Variants in EPHA6 observed in about 807,000 individuals in gnomAD.
EPHA6 encodes ephrin type-A receptor 6.
A neutral mutation model predicts 112.0 loss-of-function variants in EPHA6; 50 were observed. That is an observed-to-expected ratio of 0.45 (90% CI 0.36 to 0.56). The LOEUF (loss-of-function observed/expected upper bound fraction) is 0.56, where lower values mean the gene tolerates loss of function less well. EPHA6 is among the 20% of genes least tolerant of loss of function. The pLI is 0.00. For missense variants in EPHA6, 1,280 were observed against 1,417.4 expected, an observed-to-expected ratio of 0.90 and a Z score of 1.56; for synonymous variants, 529 against 490.7, an observed-to-expected ratio of 1.08 and a Z score of -1.03.
chr3:97,041,275 CATTT>C (rs1405105715), intron 3 of EPHA6, among the ~76,000 whole-genome samples: 1 of 151,908 alleles, frequency 6.6e-6, no homozygotes, highest in East Asian at 1.9e-4. Context: ...GCCACTTGAC[CATTT>C]ATTTATCCCT....
rs10612575 is a variant in EPHA6 at position 96,954,773 on chromosome 3, C to CTTTTTTTTTTTTTTT, written c.451-32540_451-32526dup. On this transcript the variant is annotated intron_variant, in intron 2 of 17. Transcript: ENST00000389672. ...TAGTCTTAAATTTTTACTGGTGTGCCTTTTTTTTTTTTTTTTTTTTTTTTT... is the reference window on the plus strand; with the variant it reads ...TAGTCTTAAATTTTTACTGGTGTGCCTTTTTTTTTTTTTTTTTTTTTTTTTTTTTTTTTTTTTTTT... 9.6e-5 allele frequency among the ~76,000 whole-genome samples: 7 copies of CTTTTTTTTTTTTTTT among 72,684 alleles called. 1 individual carries two copies. Among genetic ancestry groups the CTTTTTTTTTTTTTTT allele is most frequent in the African/African-American group, 3.9e-4 (7 of 18,166 alleles). 47.7% of individuals were successfully genotyped at this position (72,684 alleles called of 152,430 possible).
intron 11 of EPHA6, among the ~76,000 whole-genome samples, chr3:97,572,430 G>A (rs544171358): frequency 2.3e-4 from 35 of 152,212 alleles, no homozygotes; most frequent in African/African-American, 6.5e-4. Context: ...GATTACAGGC[G>A]TGAGACACCG....
intron 14 of EPHA6, among the ~76,000 whole-genome samples, chr3:97,716,851 C>T (rs916826950): frequency 2.6e-5 from 4 of 152,136 alleles, no homozygotes; most frequent in Non-Finnish European, 5.9e-5. Flanking sequence ...CTATTTCCTA[C>T]ATTAAACTTA....
At chr3:96,902,409 C>T (rs1287559520) in intron 2 of EPHA6, among the ~76,000 whole-genome samples, 1 of 152,124 alleles carries the variant, frequency 6.6e-6, no homozygotes, top group East Asian at 1.9e-4. Context: ...CTACTATTAC[C>T]TCTTTGGCTG....
At chr3:97,376,993 A>G (rs2085403174) in intron 5 of EPHA6, among the ~76,000 whole-genome samples, 1 of 152,206 alleles carries the variant, frequency 6.6e-6, no homozygotes. Flanking sequence ...AAATTAAACC[A>G]CAACTCACAT....
intron 10 of EPHA6, among the ~76,000 whole-genome samples, chr3:97,516,413 T>A (rs1377179369): frequency 6.6e-6 from 1 of 152,206 alleles, no homozygotes; most frequent in Non-Finnish European, 1.5e-5. Flanking sequence ...ATTCAGCTGA[T>A]GTTTGAAACT....
intron 1 of EPHA6, among the ~76,000 whole-genome samples, chr3:96,816,126 ACAGCATTCT>A (rs1232309764): frequency 4.5e-4 from 68 of 152,310 alleles, no homozygotes; most frequent in Middle Eastern, 3.4e-3. Flanking sequence ...GATAAACAAC[ACAGCATTCT>A]TCTTTGTCAT....
At chr3:97,611,918 A>G (rs1461932599) in intron 13 of EPHA6, among the ~76,000 whole-genome samples, 1 of 151,790 alleles carries the variant, frequency 6.6e-6, no homozygotes, top group African/African-American at 2.4e-5. Context: ...AACTGCTCTG[A>G]ATGCTAGCAG....
intron 14 of EPHA6, among the ~76,000 whole-genome samples, chr3:97,667,855 A>G (rs1212261432): frequency 6.6e-6 from 1 of 152,168 alleles, no homozygotes; most frequent in East Asian, 1.9e-4. Flanking sequence ...TTTGGATGCT[A>G]CTTTGGAAGC....
At chr3:97,718,719 G>A (rs1249004171) in intron 14 of EPHA6, among the ~76,000 whole-genome samples, 1 of 152,064 alleles carries the variant, frequency 6.6e-6, no homozygotes, top group Non-Finnish European at 1.5e-5. Flanking sequence ...TTAATTTGGT[G>A]CTGCCTTTAA....
intron 10 of EPHA6, among the ~76,000 whole-genome samples, chr3:97,490,955 A>G (rs545448916): frequency 6.6e-6 from 1 of 152,282 alleles, no homozygotes; most frequent in African/African-American, 2.4e-5. Context: ...TTGCACAGAC[A>G]GTTTTAATTC....
chr3:96,910,381 T>C (rs1411962559), intron 2 of EPHA6, among the ~76,000 whole-genome samples: 1 of 152,074 alleles, frequency 6.6e-6, no homozygotes, highest in East Asian at 1.9e-4. Context: ...TTCTATTTCT[T>C]ACCCATTACT....
In EPHA6 at chr3:97,689,388, GA is replaced by G. The variant is rs199688233; in HGVS notation, c.2785-30866del. Among the ~76,000 whole-genome samples the G allele has an allele frequency of 4.9e-4, 75 of 152,182 alleles. No individual in the cohort carries two copies. In the East Asian group the frequency reaches 5.4e-3, roughly 11 times the overall value. On this transcript the variant is annotated intron_variant, in intron 14 of 17. Coordinates refer to ENST00000389672, the MANE Select transcript of EPHA6 (RefSeq NM_001080448.3). The stretch of plus-strand genomic sequence containing the variant: ...CTCCATCAAAATGGATAATGTGCTG[GA>G]AAAAAATGTTGTTTGATTTTGGCTA...
intron 2 of EPHA6, among the ~76,000 whole-genome samples, chr3:96,940,582 C>G (rs998392205): frequency 2.6e-5 from 4 of 152,122 alleles, no homozygotes; most frequent in Admixed American, 6.5e-5. Flanking sequence ...TTAGTTGGAG[C>G]ATTTAGTCCA....
At chr3:97,706,896 C>A (rs2033708138) in intron 14 of EPHA6, among the ~76,000 whole-genome samples, 3 of 151,724 alleles carry the variant, frequency 2.0e-5, no homozygotes, top group African/African-American at 4.8e-5. Context: ...GTTTCTCTTA[C>A]TGTAACATGA....
intron 11 of EPHA6, among the ~76,000 whole-genome samples, chr3:97,547,157 C>G (rs1457338359): frequency 6.6e-6 from 1 of 152,132 alleles, no homozygotes; most frequent in Non-Finnish European, 1.5e-5. Flanking sequence ...TTTAGAGTTT[C>G]CAGTTTTTCT....
chr3:97,659,739 G>T (rs1365592613), intron 14 of EPHA6, among the ~76,000 whole-genome samples: 2 of 151,924 alleles, frequency 1.3e-5, no homozygotes, highest in African/African-American at 4.8e-5. Context: ...GCACTACTTT[G>T]AAAAATAAGT....
At chr3:97,442,547 T>C (rs1018862863) in intron 6 of EPHA6, among the ~76,000 whole-genome samples, 3 of 152,082 alleles carry the variant, frequency 2.0e-5, no homozygotes, top group Non-Finnish European at 2.9e-5. Flanking sequence ...TCCAGCCTGG[T>C]TGACAGGACG....
chr3:96,938,749 C>G (rs2040753969), intron 2 of EPHA6, among the ~76,000 whole-genome samples: 1 of 151,704 alleles, frequency 6.6e-6, no homozygotes, highest in Admixed American at 6.6e-5. Context: ...GTGGGTTTGT[C>G]ATAGATAGCT....
Sources: allele counts gnomAD v4.1 joint callset (sites outside exome capture counted in the v4.1 genomes callset), GRCh38; gene constraint gnomAD v4.1.1; transcripts MANE v1.5; gene names NCBI Gene and HGNC (gene_info 2026-07-23, HGNC 2026-07-21).